RHOQ: variants seen among roughly 807,000 people sequenced by gnomAD.
RHOQ encodes ras homolog family member Q.
RHOQ carries 7 observed loss-of-function variants against 25.8 expected under a neutral mutation model. The observed-to-expected ratio is 0.27, with a 90% CI of 0.15 to 0.51. RHOQ has a LOEUF of 0.51. Among genes scored for constraint, RHOQ ranks in the 20% least tolerant of loss-of-function variants. The pLI is 0.97. For synonymous variants in RHOQ, 97 were observed against 98.6 expected (o/e 0.98, Z 0.10); for missense variants, 165 against 260.6 (o/e 0.63, Z 2.53).
At chr2:46,561,802 C>T (rs1217544910) in intron 2 of RHOQ, among the ~76,000 whole-genome samples, 1 of 152,134 alleles carries the variant, frequency 6.6e-6, no homozygotes, top group African/African-American at 2.4e-5. Flanking sequence ...ATACTGTCTA[C>T]CCCTCCCTCT....
intron 2 of RHOQ, among the ~76,000 whole-genome samples, chr2:46,571,520 C>T (rs1668913854): frequency 6.6e-6 from 1 of 152,172 alleles, no homozygotes; most frequent in Non-Finnish European, 1.5e-5. Flanking sequence ...TGAATCTCAT[C>T]CTTCCCTCCT....
At chr2:46,547,443 G>A (rs111853535) in intron 2 of RHOQ, among the ~76,000 whole-genome samples, 3 of 152,334 alleles carry the variant, frequency 2.0e-5, no homozygotes, top group African/African-American at 7.2e-5. Flanking sequence ...AGCAGACAAA[G>A]AGAGAGAATG....
Position 46,556,478 on chromosome 2 carries a change from A to T in RHOQ, c.201+12666A>T, listed in dbSNP as rs535135746. Reference sequence around the variant, plus strand: ...CTTCTGATATTCTTTTTCTTAAAAAATTTTTTTAATTTTTTTTTTTTTGTT... The same window carrying T: ...CTTCTGATATTCTTTTTCTTAAAAATTTTTTTTAATTTTTTTTTTTTTGTT... On this transcript the variant is annotated intron_variant, in intron 2 of 4. Coordinates refer to ENST00000238738, the MANE Select transcript of RHOQ (RefSeq NM_012249.4). This position sits in a 1 kb window ranked among gnomAD's most constrained non-coding sequence, Gnocchi z 4.9. Among the ~76,000 whole-genome samples the T allele has an allele frequency of 1.8e-4, 20 of 112,456 alleles. No homozygotes were observed. Among genetic ancestry groups the T allele is most frequent in the Admixed American group, 2.6e-4 (3 of 11,578 alleles). The allele number at this position is 112,456 out of a possible 152,430, so 73.8% of individuals were successfully genotyped here.
Position 46,576,303 on chromosome 2 carries a change from TAGAGGC to T in RHOQ, c.366+53_366+58del. The T allele has an allele frequency of 6.9e-7, 1 of 1,453,368 alleles. No homozygotes were observed. Among genetic ancestry groups the T allele is most frequent in the Non-Finnish European group, 9.5e-7 (1 of 1,054,466 alleles). The allele number at this position is 1,453,368 out of a possible 1,614,324, so 90.0% of individuals were successfully genotyped here. A position where few individuals can be genotyped will look rare whatever the true frequency, so the allele number is the denominator to read the frequency against. On this transcript the variant is annotated intron_variant, in intron 3 of 4. Coordinates refer to ENST00000238738, the MANE Select transcript of RHOQ (RefSeq NM_012249.4). The surrounding 1 kb of genome is among the most constrained non-coding windows in gnomAD (Gnocchi z 5.1). ...TTAGAATAAGCTCTTTGGTCTGTCG[TAGAGGC>T]TGCTCTCAGACAAACAGTCCCAAAG... is the stretch of plus-strand genomic sequence containing the variant.
At chr2:46,562,531 G>A (rs1213023592) in intron 2 of RHOQ, among the ~76,000 whole-genome samples, 1 of 152,134 alleles carries the variant, frequency 6.6e-6, no homozygotes, top group Admixed American at 6.5e-5. Flanking sequence ...TTTAGAGTAG[G>A]AAATCAAGAA....
In RHOQ at chr2:46,543,001, G is replaced by A. The variant is rs751143587; in HGVS notation, c.-46G>A. 2 of 1,427,736 alleles carry A rather than the reference G, an allele frequency of 1.4e-6. No individual in the cohort carries two copies. The highest frequency in any genetic ancestry group is 3.0e-5 in the East Asian group (1 of 33,128). 88.4% of individuals were successfully genotyped at this position (1,427,736 alleles called of 1,614,324 possible). A position where few individuals can be genotyped will look rare whatever the true frequency, so the allele number is the denominator to read the frequency against. Reference sequence around the variant, plus strand: ...GGCTGGGGCTGAGCCCGGGGCCGGGGCGGGGGCTCCGGGGGGACCATGCCC... The same window carrying A: ...GGCTGGGGCTGAGCCCGGGGCCGGGACGGGGGCTCCGGGGGGACCATGCCC... On this transcript the variant is annotated 5_prime_UTR_variant, in exon 1 of 5. Transcript: ENST00000238738.
chr2:46,580,651 T>G lies in RHOQ; in HGVS notation c.463-277T>G, dbSNP rs533096564. 1.2e-3 allele frequency: 291 copies of G among 251,006 alleles called. 2 individuals are homozygous for G. Among genetic ancestry groups the G allele is most frequent in the African/African-American group, 6.0e-3 (272 of 45,344 alleles). The allele number at this position is 251,006 out of a possible 1,614,324, so 15.5% of individuals were successfully genotyped here. On this transcript the variant is annotated intron_variant, in intron 4 of 4. Transcript: ENST00000238738. ...CGCCACACAGCAGGGACTCTGCTCT[T>G]TCGTTCAGTTCACTGACATATCCCC...
chr2:46,582,275 C>G lies in RHOQ; in HGVS notation c.*1192C>G, dbSNP rs1669416623. The G allele has an allele frequency of 6.6e-6, 1 of 151,500 alleles. No individual in the cohort carries two copies. The highest frequency in any genetic ancestry group is 1.5e-5 in the Non-Finnish European group (1 of 67,888). 9.4% of individuals were successfully genotyped at this position (151,500 alleles called of 1,614,324 possible). A position where few individuals can be genotyped will look rare whatever the true frequency, so the allele number is the denominator to read the frequency against. ...GCAGTTGGTCCCTAAGTGAAAGGCT[C>G]TGCTTGAAAAAAAAAAGAAAAAAAA... is the stretch of plus-strand genomic sequence containing the variant. On this transcript the variant is annotated 3_prime_UTR_variant, in exon 5 of 5. Transcript: ENST00000238738.
At chr2:46,564,638 C>T (rs560818944) in intron 2 of RHOQ, among the ~76,000 whole-genome samples, 9 of 152,354 alleles carry the variant, frequency 5.9e-5, no homozygotes, top group Non-Finnish European at 1.0e-4. Flanking sequence ...CTCATCTGGA[C>T]ATAGAGGAAG....
Position 46,566,759 on chromosome 2 carries a change from C to T in RHOQ, c.202-9328C>T, listed in dbSNP as rs975987771. 1.3e-5 allele frequency among the ~76,000 whole-genome samples: 2 copies of T among 152,156 alleles called. No individual in the cohort carries two copies. The highest frequency in any genetic ancestry group is 6.5e-5 in the Admixed American group (1 of 15,276). ...CTTCAGTATGTCAGGGCTTTTCTGC[C>T]TTGGGACGTTTGCATACATTGTCTT... On this transcript the variant is annotated intron_variant, in intron 2 of 4. Transcript: ENST00000238738. This position sits in a 1 kb window ranked among gnomAD's most constrained non-coding sequence, Gnocchi z 4.2.
At chr2:46,562,109 C>T (rs1451219643) in intron 2 of RHOQ, among the ~76,000 whole-genome samples, 2 of 152,190 alleles carry the variant, frequency 1.3e-5, no homozygotes, top group African/African-American at 2.4e-5. Context: ...ATCGGCAGCA[C>T]AGGGTGGGGA....
intron 2 of RHOQ, among the ~76,000 whole-genome samples, chr2:46,574,954 GT>G (rs1669061372): frequency 6.6e-6 from 1 of 152,144 alleles, no homozygotes; most frequent in South Asian, 2.1e-4. Context: ...TAAAAATAAA[GT>G]TTCTTTGAAA....
In RHOQ at chr2:46,542,999, G is replaced by C; in HGVS notation, c.-48G>C. The C allele has an allele frequency of 1.4e-6, 2 of 1,420,366 alleles. No individual in the cohort carries two copies. Among genetic ancestry groups the C allele is most frequent in the Non-Finnish European group, 1.9e-6 (2 of 1,080,330 alleles). 88.0% of individuals were successfully genotyped at this position (1,420,366 alleles called of 1,614,324 possible). A position where few individuals can be genotyped will look rare whatever the true frequency, so the allele number is the denominator to read the frequency against. The stretch of plus-strand genomic sequence containing the variant: ...CGGGCTGGGGCTGAGCCCGGGGCCG[G>C]GGCGGGGGCTCCGGGGGGACCATGC... On this transcript the variant is annotated 5_prime_UTR_variant, in exon 1 of 5. Coordinates refer to ENST00000238738, the MANE Select transcript of RHOQ (RefSeq NM_012249.4).
intron 4 of RHOQ, among the ~76,000 whole-genome samples, chr2:46,579,007 C>T (rs567840739): frequency 3.3e-5 from 5 of 152,080 alleles, no homozygotes; most frequent in South Asian, 2.1e-4. Flanking sequence ...TTATTAGGGA[C>T]GTACTTAGAG....
chr2:46,557,926 G>GACTA, intron 2 of RHOQ, among the ~76,000 whole-genome samples: 2 of 152,132 alleles, frequency 1.3e-5, no homozygotes, highest in Non-Finnish European at 2.9e-5. Context: ...CCACTGATCA[G>GACTA]TGTTTATATT....
chr2:46,551,876 G>C (rs1668252045), intron 2 of RHOQ, among the ~76,000 whole-genome samples: 1 of 152,190 alleles, frequency 6.6e-6, no homozygotes, highest in African/African-American at 2.4e-5. Flanking sequence ...TGCTCTGTGA[G>C]TAAAGGAAGC....
chr2:46,560,780 A>G (rs1222212080), intron 2 of RHOQ: 1 of 274,220 alleles, frequency 3.6e-6, no homozygotes, highest in Non-Finnish European at 7.6e-6. Flanking sequence ...CAGTTAACAT[A>G]TTTTTCAGAT....
chr2:46,546,586 A>C (rs1668077856), intron 2 of RHOQ, among the ~76,000 whole-genome samples: 2 of 142,432 alleles, frequency 1.4e-5, no homozygotes, highest in Non-Finnish European at 3.1e-5. Flanking sequence ...GCTTTGGAAC[A>C]AAACAGGCCT....
chr2:46,560,016 T>C (rs1046501408), intron 2 of RHOQ, among the ~76,000 whole-genome samples: 5 of 152,140 alleles, frequency 3.3e-5, no homozygotes, highest in Non-Finnish European at 4.4e-5. Flanking sequence ...TTCACCAGGA[T>C]TGGGGAGCAT....
Sources: allele counts gnomAD v4.1 joint callset (sites outside exome capture counted in the v4.1 genomes callset), GRCh38; gene constraint gnomAD v4.1.1; non-coding constraint Gnocchi (gnomAD v3.1); transcripts MANE v1.5; gene names NCBI Gene and HGNC (gene_info 2026-07-23, HGNC 2026-07-21).